The following MOB3B variants were observed in gnomAD, a reference collection of about 807,000 sequenced individuals.
The protein encoded by MOB3B is MOB kinase activator-like 2B.
In MOB3B, 7 loss-of-function variants were observed where a neutral mutation model predicts 18.7. The ratio of observed to expected loss-of-function variants is 0.37; its 90% CI spans 0.21 to 0.70. The LOEUF (loss-of-function observed/expected upper bound fraction) is 0.70. Ranked by LOEUF, MOB3B falls within the 30% of genes least tolerant of loss-of-function variation. The pLI, the probability that MOB3B is intolerant of heterozygous loss-of-function variation, is 0.52. For missense variants in MOB3B, 253 were observed against 281.3 expected, an observed-to-expected ratio of 0.90 and a Z score of 0.72; for synonymous variants, 111 against 99.9, an observed-to-expected ratio of 1.11 and a Z score of -0.66.
At chr9:27,412,107 G>A (rs773298540) in intron 2 of MOB3B, among the ~76,000 whole-genome samples, 52 of 151,546 alleles carry the variant, frequency 3.4e-4, no homozygotes, top group Admixed American at 8.6e-4. Context: ...TGTGTGGAAG[G>A]AGAATATGGG....
chr9:27,466,458 A>G (rs1819383953), intron 1 of MOB3B, among the ~76,000 whole-genome samples: 2 of 151,852 alleles, frequency 1.3e-5, no homozygotes, highest in Admixed American at 1.3e-4. Context: ...CATTGTTCCA[A>G]CCTCTGCCTG....
chr9:27,349,583 G>A (rs550660315), intron 3 of MOB3B, among the ~76,000 whole-genome samples: 18 of 152,202 alleles, frequency 1.2e-4, no homozygotes, highest in Non-Finnish European at 1.9e-4. Flanking sequence ...TCATGAAGAC[G>A]AATTAATCCC....
At chr9:27,487,755 C>G (rs746207000) in intron 1 of MOB3B, among the ~76,000 whole-genome samples, 3 of 152,178 alleles carry the variant, frequency 2.0e-5, no homozygotes, top group African/African-American at 7.2e-5. Context: ...AATGACTCAA[C>G]TATTTCCATA....
chr9:27,525,678 A>G (rs896636232), intron 1 of MOB3B, among the ~76,000 whole-genome samples: 1 of 151,798 alleles, frequency 6.6e-6, no homozygotes, highest in African/African-American at 2.4e-5. Context: ...TCCTACATCT[A>G]AAGGCATGGA....
At chr9:27,445,249 T>G (rs1282481867) in intron 2 of MOB3B, among the ~76,000 whole-genome samples, 1 of 152,226 alleles carries the variant, frequency 6.6e-6, no homozygotes, top group African/African-American at 2.4e-5. Context: ...TTACGTCACT[T>G]AATTCTGATA....
chr9:27,386,217 T>C (rs1300819785), intron 2 of MOB3B, among the ~76,000 whole-genome samples: 1 of 152,232 alleles, frequency 6.6e-6, no homozygotes, highest in Non-Finnish European at 1.5e-5. Context: ...GCCTGTATTT[T>C]CTCATGTGTA....
At chr9:27,510,513 C>G (rs765776976) in intron 1 of MOB3B, among the ~76,000 whole-genome samples, 4 of 152,156 alleles carry the variant, frequency 2.6e-5, no homozygotes, top group Non-Finnish European at 4.4e-5. Flanking sequence ...AGTATGTAGT[C>G]AAATAAGTTT....
intron 2 of MOB3B, among the ~76,000 whole-genome samples, chr9:27,420,316 G>C (rs570432651): frequency 2.4e-4 from 37 of 151,908 alleles, no homozygotes; most frequent in Non-Finnish European, 4.9e-4. Context: ...TATCTACCCA[G>C]GGGAAAAGAA....
intron 1 of MOB3B, among the ~76,000 whole-genome samples, chr9:27,492,458 T>A (rs1446871592): frequency 6.6e-6 from 1 of 152,184 alleles, no homozygotes; most frequent in Non-Finnish European, 1.5e-5. Context: ...GGCCCAGGTA[T>A]CAAACAGGTA....
At chr9:27,520,815 T>C (rs535713535) in intron 1 of MOB3B, among the ~76,000 whole-genome samples, 55 of 152,292 alleles carry the variant, frequency 3.6e-4, no homozygotes, top group African/African-American at 1.3e-3. Flanking sequence ...GAGAGGTCAG[T>C]GGGAGCTTGC....
At chr9:27,436,927 G>C (rs1822510182) in intron 2 of MOB3B, among the ~76,000 whole-genome samples, 1 of 148,272 alleles carries the variant, frequency 6.7e-6, no homozygotes, top group Non-Finnish European at 1.5e-5. Context: ...CCAGGGCCAA[G>C]CTTTCCAGAC....
chr9:27,452,580 G>T (rs1563872272), intron 2 of MOB3B, among the ~76,000 whole-genome samples: 1 of 152,124 alleles, frequency 6.6e-6, no homozygotes, highest in Non-Finnish European at 1.5e-5. Flanking sequence ...TTAAAAATGG[G>T]CAAAGGATCT....
Position 27,382,256 on chromosome 9 carries a change from C to A in MOB3B, c.419-23020G>T, listed in dbSNP as rs1003053396. Among the ~76,000 whole-genome samples the A allele has an allele frequency of 2.3e-4, 35 of 152,018 alleles. 1 individual carries two copies. The highest frequency in any genetic ancestry group is 6.6e-5 in the Admixed American group (1 of 15,264). ...AATATGTGATGAGTACTGAAAAAAG[C>A]AAAAAAGTTAAGGGGCTCAAAGACA... On this transcript the variant is annotated intron_variant, in intron 2 of 3. Transcript: ENST00000262244.
At chr9:27,346,641 A>G (rs964070531) in intron 3 of MOB3B, among the ~76,000 whole-genome samples, 15 of 152,240 alleles carry the variant, frequency 9.9e-5, no homozygotes, top group Non-Finnish European at 1.3e-4. Flanking sequence ...GTTCTTCTAT[A>G]TGAAAATATT....
chr9:27,471,026 G>A (rs1268986451), intron 1 of MOB3B, among the ~76,000 whole-genome samples: 1 of 152,124 alleles, frequency 6.6e-6, no homozygotes, highest in Non-Finnish European at 1.5e-5. Context: ...TCTGTCCACG[G>A]ACTAACTAGT....
At chr9:27,414,923 G>T (rs1822123054) in intron 2 of MOB3B, among the ~76,000 whole-genome samples, 1 of 151,794 alleles carries the variant, frequency 6.6e-6, no homozygotes. Context: ...GTGCAGTGGT[G>T]CGATCTTGGC....
At chr9:27,410,925 C>T (rs545011092) in intron 2 of MOB3B, among the ~76,000 whole-genome samples, 2 of 152,236 alleles carry the variant, frequency 1.3e-5, no homozygotes, top group Non-Finnish European at 2.9e-5. Context: ...CATTGCCCCA[C>T]GTCTTAACTA....
At chr9:27,506,991 A>G (rs993161987) in intron 1 of MOB3B, among the ~76,000 whole-genome samples, 3 of 151,996 alleles carry the variant, frequency 2.0e-5, no homozygotes, top group African/African-American at 4.8e-5. Flanking sequence ...AACTTATTTA[A>G]TCTTGACCAT....
chr9:27,399,159 T>G (rs922864432), intron 2 of MOB3B, among the ~76,000 whole-genome samples: 1 of 152,150 alleles, frequency 6.6e-6, no homozygotes, highest in Admixed American at 6.5e-5. Flanking sequence ...TTCTTCCCTA[T>G]CTCTCTCTTT....
Sources: allele counts gnomAD v4.1 joint callset (sites outside exome capture counted in the v4.1 genomes callset), GRCh38; gene constraint gnomAD v4.1.1; transcripts MANE v1.5; gene names NCBI Gene and HGNC (gene_info 2026-07-23, HGNC 2026-07-21).